The following RPS6KC1 variants were observed in gnomAD, a reference collection of about 807,000 sequenced individuals.
RPS6KC1 encodes the protein ribosomal protein S6 kinase C1.
Under a neutral mutation model 103.8 loss-of-function variants are expected in RPS6KC1, and 54 were observed. That is an observed-to-expected ratio of 0.52 (90% CI 0.42 to 0.65). The LOEUF (loss-of-function observed/expected upper bound fraction) is 0.65. Ranked by LOEUF, RPS6KC1 falls within the 30% of genes least tolerant of loss-of-function variation. RPS6KC1 has a pLI of 0.00. For missense variants in RPS6KC1, 1,151 were observed against 1,253.8 expected, an observed-to-expected ratio of 0.92 and a Z score of 1.24; for synonymous variants, 439 against 438.7, an observed-to-expected ratio of 1.00 and a Z score of -0.01.
rs2094339826 is a variant in RPS6KC1 at position 213,241,054 on chromosome 1, A to G, written c.1578A>G (p.Pro526=). The G allele has an allele frequency of 1.2e-6, 2 of 1,613,348 alleles. No individual in the cohort carries two copies. The highest frequency in any genetic ancestry group is 1.7e-5 in the Admixed American group (1 of 59,906). The change falls in exon 11 of 15, where the codon CCA becomes CCG. Residue 526 remains proline (P), a synonymous_variant. Transcript: ENST00000366960. The part of the protein sequence containing the change: ...CNEYGQEKIE[P]GSLNEEPFMK... ...AATATGGGCAAGAAAAGATTGAACC[A>G]GGGTCTTTGAATGAGGAGCCCTTCA...
At chr1:213,321,254 T>G in the RPS6KC1 span, among the ~76,000 whole-genome samples, 4 of 152,208 alleles carry the variant, frequency 2.6e-5, no homozygotes, top group Non-Finnish European at 5.9e-5. Context: ...GGTAGATAGT[T>G]TCTTCCTTTT....
rs2085349761 is a variant in RPS6KC1 at position 213,129,527 on chromosome 1, G to T, written c.473G>T (p.Gly158Val). 6.3e-7 allele frequency: 1 copy of T among 1,597,634 alleles called. No individual in the cohort carries two copies. Among genetic ancestry groups the T allele is most frequent in the Non-Finnish European group, 8.5e-7 (1 of 1,173,446 alleles). ...IDTFPECSTE[G>V]FSSDSDLVSL... is the part of the protein sequence containing the mutation. Reference sequence around the variant, plus strand: ...TTTACTATTGTGATCATATTTCTAGGCTTCTCCAGTGACAGTGATCTGGTA... The same window carrying T: ...TTTACTATTGTGATCATATTTCTAGTCTTCTCCAGTGACAGTGATCTGGTA... The change falls in exon 6 of 15, where the codon GGC becomes GTC. Residue 158 changes from glycine (G) to valine (V), a missense_variant and splice_region_variant. Gly to Val is a moderately radical substitution (Grantham distance 109). Coordinates refer to ENST00000366960, the MANE Select transcript of RPS6KC1 (RefSeq NM_012424.6).
the RPS6KC1 span, among the ~76,000 whole-genome samples, chr1:213,777,931 T>G: frequency 1.3e-5 from 2 of 152,180 alleles, no homozygotes; most frequent in Non-Finnish European, 2.9e-5. Flanking sequence ...CACCACATCT[T>G]GAGGTAGGTG....
intron 8 of RPS6KC1, among the ~76,000 whole-genome samples, chr1:213,219,630 C>T (rs1024937736): frequency 3.3e-5 from 5 of 152,206 alleles, no homozygotes; most frequent in Admixed American, 1.3e-4. Flanking sequence ...CAACAATAGA[C>T]TGGATTAAGA....
the RPS6KC1 span, among the ~76,000 whole-genome samples, chr1:213,454,020 A>G: frequency 1.3e-5 from 2 of 152,254 alleles, no homozygotes; most frequent in African/African-American, 4.8e-5. Flanking sequence ...CATAAAATGT[A>G]TGTAGATAAT....
At chr1:213,488,597 T>C in the RPS6KC1 span, among the ~76,000 whole-genome samples, 577 of 152,336 alleles carry the variant, frequency 3.8e-3, 3 homozygotes, top group African/African-American at 0.013. Flanking sequence ...CTAGAGTAGA[T>C]TGACCCTAAA....
At chr1:213,805,650 A>G in the RPS6KC1 span, among the ~76,000 whole-genome samples, 2 of 152,192 alleles carry the variant, frequency 1.3e-5, no homozygotes, top group African/African-American at 4.8e-5. Flanking sequence ...AAAGTCATCC[A>G]TGAGGGATGT....
intron 14 of RPS6KC1, among the ~76,000 whole-genome samples, chr1:213,272,108 A>G (rs919075872): frequency 8.5e-5 from 13 of 152,230 alleles, no homozygotes; most frequent in African/African-American, 3.1e-4. Flanking sequence ...TACATAGTTG[A>G]TTAGGGGTCG....
At chr1:213,132,312 T>C (rs1029848157) in intron 6 of RPS6KC1, among the ~76,000 whole-genome samples, 1 of 152,274 alleles carries the variant, frequency 6.6e-6, no homozygotes, top group African/African-American at 2.4e-5. Flanking sequence ...AGTTAATAAC[T>C]GACTAAATTG....
chr1:213,626,769 C>T, the RPS6KC1 span, among the ~76,000 whole-genome samples: 1 of 152,152 alleles, frequency 6.6e-6, no homozygotes, highest in East Asian at 1.9e-4. Flanking sequence ...GGGCTCTGTT[C>T]TGTTCCATTG....
the RPS6KC1 span, among the ~76,000 whole-genome samples, chr1:213,375,313 G>A: frequency 6.7e-6 from 1 of 149,336 alleles, no homozygotes; most frequent in East Asian, 2.0e-4. Flanking sequence ...ACACACATAG[G>A]CATATACACA....
At chr1:213,714,892 A>T in the RPS6KC1 span, among the ~76,000 whole-genome samples, 1 of 152,204 alleles carries the variant, frequency 6.6e-6, no homozygotes, top group Non-Finnish European at 1.5e-5. Flanking sequence ...GGCTAACTGC[A>T]GCTCTGTATG....
At chr1:213,073,261 A>G (rs1482326192) in intron 2 of RPS6KC1, among the ~76,000 whole-genome samples, 2 of 152,240 alleles carry the variant, frequency 1.3e-5, no homozygotes, top group Non-Finnish European at 2.9e-5. Flanking sequence ...AAAGCTTCAC[A>G]AGGGCTATTG....
the RPS6KC1 span, among the ~76,000 whole-genome samples, chr1:213,655,585 T>G: frequency 6.6e-6 from 1 of 152,190 alleles, no homozygotes; most frequent in Admixed American, 6.5e-5. Context: ...CATTTCAGAT[T>G]CTACTGGCAG....
the RPS6KC1 span, among the ~76,000 whole-genome samples, chr1:213,528,549 T>C: frequency 6.6e-6 from 1 of 152,224 alleles, no homozygotes; most frequent in Non-Finnish European, 1.5e-5. Flanking sequence ...CAATGTGCTC[T>C]TGACACTGGG....
rs1018785632 is a variant in RPS6KC1, at chr1:213,074,943, C to T, written c.142-2753C>T. Among the ~76,000 whole-genome samples, 4 of 149,196 alleles carry T rather than the reference C, an allele frequency of 2.7e-5. No individual in the cohort carries two copies. In the South Asian group the frequency reaches 6.4e-4, roughly 24 times the overall value. ...TCTCAGCTCACTGCAAACTCCGCCT[C>T]CCGGGTTCATGCCGTTCTCCTGCCT... On this transcript the variant is annotated intron_variant, in intron 2 of 14. Transcript: ENST00000366960.
chr1:213,114,253 T>G (rs2083333948), intron 4 of RPS6KC1, among the ~76,000 whole-genome samples: 7 of 150,928 alleles, frequency 4.6e-5, no homozygotes, highest in Admixed American at 4.0e-4. Flanking sequence ...TGGCTTGTAG[T>G]TCTCCTTGAA....
intron 13 of RPS6KC1, 116 bp from the exon 14 acceptor site, chr1:213,262,605 T>G: frequency 1.4e-6 from 1 of 735,946 alleles, no homozygotes; most frequent in Admixed American, 1.9e-5. Flanking sequence ...TGTTGATTAC[T>G]ACACTTCCAG....
the RPS6KC1 span, among the ~76,000 whole-genome samples, chr1:213,596,665 A>G: frequency 2.0e-5 from 3 of 152,248 alleles, no homozygotes; most frequent in African/African-American, 4.8e-5. Flanking sequence ...CTTAGCACTG[A>G]TAACTGACAG....
Sources: gnomAD v4.1 joint callset for allele counts (sites outside exome capture counted in the v4.1 genomes callset) on GRCh38, gnomAD v4.1.1 for gene constraint, MANE v1.5 for transcripts, NCBI Gene and HGNC (gene_info 2026-07-23, HGNC 2026-07-21) for gene names.